Variants in KSR2 observed in about 807,000 individuals in gnomAD.
KSR2 encodes kinase suppressor of ras 2.
A neutral mutation model predicts 107.8 loss-of-function variants in KSR2; 25 were observed. The ratio of observed to expected loss-of-function variants is 0.23; its 90% confidence interval spans 0.17 to 0.32. KSR2 has a LOEUF of 0.32. Among genes scored for constraint, KSR2 ranks in the 10% least tolerant of loss-of-function variants. The pLI is 1.00. For synonymous variants in KSR2, 480 were observed against 507.0 expected (o/e 0.95, Z 0.71); for missense variants, 887 against 1,268.9 (o/e 0.70, Z 4.57).
intron 3 of KSR2, among the ~76,000 whole-genome samples, chr12:117,839,030 G>A (rs750954391): frequency 1.3e-5 from 2 of 152,302 alleles, no homozygotes; most frequent in Non-Finnish European, 2.9e-5. Flanking sequence ...GTGGAGGGCT[G>A]ACTTTGGCCC....
chr12:117,947,798 G>C (rs907542377), intron 1 of KSR2, among the ~76,000 whole-genome samples: 11 of 151,988 alleles, frequency 7.2e-5, no homozygotes, highest in African/African-American at 2.7e-4. Context: ...TCAAATACTT[G>C]AGCGTAAGTC....
At chr12:117,965,206 C>T (rs57461207) in intron 1 of KSR2, among the ~76,000 whole-genome samples, 13,814 of 152,260 alleles carry the variant, frequency 0.091, 705 homozygotes, top group African/African-American at 0.13. Context: ...CAGATGTAAT[C>T]GCTGAAGCTG....
At chr12:117,701,388 A>G (rs1056209355) in intron 4 of KSR2, among the ~76,000 whole-genome samples, 2 of 152,202 alleles carry the variant, frequency 1.3e-5, no homozygotes, top group African/African-American at 2.4e-5. Context: ...CCACTGCACC[A>G]GGCTGGAAGA....
Position 117,538,464 on chromosome 12 carries a change from T to C in KSR2, c.1687+1255A>G, listed in dbSNP as rs536378849. 2.8e-4 allele frequency among the ~76,000 whole-genome samples: 43 copies of C among 152,280 alleles called. No homozygotes were observed. The South Asian group carries it at 8.7e-3, about 31-fold the overall frequency. On this transcript the variant is annotated intron_variant, in intron 10 of 19. Coordinates refer to ENST00000339824, the MANE Select transcript of KSR2 (RefSeq NM_173598.6). ...ATGTGGGTGCCGCCCAGGTGTGGGG[T>C]GGGGCCTCTGTTTGCCTCCTGGCCA...
chr12:117,532,769 T>A (rs922940481), intron 10 of KSR2, among the ~76,000 whole-genome samples: 25 of 152,162 alleles, frequency 1.6e-4, no homozygotes, highest in Admixed American at 2.0e-4. Context: ...GTGCCTGGAA[T>A]AGGGGGCCAA....
chr12:117,731,395 CCGCCCCG>C (rs1887693260), intron 4 of KSR2, among the ~76,000 whole-genome samples: 1 of 144,238 alleles, frequency 6.9e-6, no homozygotes, highest in Non-Finnish European at 1.5e-5. Context: ...CGCCCAGCAG[CCGCCCCG>C]TCCGGGAGGG....
rs559732847 is a variant in KSR2, at chr12:117,853,169, G to C, written c.472+2259C>G. Among the ~76,000 whole-genome samples, 3 of 152,258 alleles carry C rather than the reference G, an allele frequency of 2.0e-5. No individual in the cohort carries two copies. The South Asian group carries it at 6.2e-4, about 32-fold the overall frequency. ...ATTCACTGTAAAGAAATAGCCACGG[G>C]GGTCCCCAAAGATAACACTCAGGGG... On this transcript the variant is annotated intron_variant, in intron 3 of 19. Transcript: ENST00000339824.
At chr12:117,697,081 G>A (rs1886094932) in intron 4 of KSR2, among the ~76,000 whole-genome samples, 1 of 152,182 alleles carries the variant, frequency 6.6e-6, no homozygotes, top group African/African-American at 2.4e-5. Context: ...AGTTTGGGAA[G>A]CTTCTTTGAA....
chr12:117,916,652 G>GTC (rs1197549009), intron 1 of KSR2, among the ~76,000 whole-genome samples: 1 of 152,006 alleles, frequency 6.6e-6, no homozygotes, highest in East Asian at 1.9e-4. Context: ...TCTAAAACAG[G>GTC]TCCCCCATAG....
rs557163784 is a variant in KSR2 at position 117,910,592 on chromosome 12, C to T, written c.181-50161G>A. On this transcript the variant is annotated intron_variant, in intron 1 of 19. Coordinates refer to ENST00000339824, the MANE Select transcript of KSR2 (RefSeq NM_173598.6). The stretch of plus-strand genomic sequence containing the variant: ...TTTTACCACAATTAAACTTACTTTG[C>T]TTTAGAAAAGCTTCAAGATTTCACA... Among the ~76,000 whole-genome samples, 12 of 152,288 alleles carry T rather than the reference C, an allele frequency of 7.9e-5. No homozygotes were observed. In the South Asian group the frequency reaches 2.5e-3, roughly 32 times the overall value.
At chr12:117,526,506 C>T (rs553981440) in intron 13 of KSR2, among the ~76,000 whole-genome samples, 87 of 152,298 alleles carry the variant, frequency 5.7e-4, no homozygotes, top group African/African-American at 2.0e-3. Flanking sequence ...TGATTTCTCC[C>T]GGGATCATTT....
chr12:117,935,442 G>T (rs1268566081), intron 1 of KSR2, among the ~76,000 whole-genome samples: 1 of 152,106 alleles, frequency 6.6e-6, no homozygotes, highest in Non-Finnish European at 1.5e-5. Context: ...CATTTCATGG[G>T]GTAAAATGTT....
chr12:117,845,529 A>G (rs1315027982), intron 3 of KSR2, among the ~76,000 whole-genome samples: 1 of 152,190 alleles, frequency 6.6e-6, no homozygotes, highest in Non-Finnish European at 1.5e-5. Flanking sequence ...ATCAAACAAC[A>G]ATTTAGGCAT....
intron 1 of KSR2, among the ~76,000 whole-genome samples, chr12:117,906,346 T>C (rs1894844187): frequency 3.0e-5 from 3 of 101,010 alleles, no homozygotes; most frequent in Admixed American, 1.3e-4. Context: ...AGAGCAAAAC[T>C]CTGTCTCAAA....
chr12:117,495,684 G>C (rs1444836384), intron 14 of KSR2, among the ~76,000 whole-genome samples: 2 of 152,178 alleles, frequency 1.3e-5, no homozygotes, highest in Non-Finnish European at 2.9e-5. Context: ...CAGAAGTGGG[G>C]AGGGAAAAAG....
At chr12:117,488,286 C>A (rs1016951495) in intron 14 of KSR2, among the ~76,000 whole-genome samples, 1 of 152,200 alleles carries the variant, frequency 6.6e-6, no homozygotes, top group African/African-American at 2.4e-5. Flanking sequence ...AATCCACAAC[C>A]AGCGATTCTT....
chr12:117,731,577 G>A (rs1029153742), intron 4 of KSR2, among the ~76,000 whole-genome samples: 8 of 152,190 alleles, frequency 5.3e-5, no homozygotes, highest in African/African-American at 1.9e-4. Context: ...TAACGATGGC[G>A]GTTTTGTCGA....
At chr12:117,600,135 T>C (rs935457912) in intron 5 of KSR2, among the ~76,000 whole-genome samples, 3 of 152,168 alleles carry the variant, frequency 2.0e-5, no homozygotes, top group Non-Finnish European at 4.4e-5. Flanking sequence ...TGGCTAATCA[T>C]TGAGAAATGG....
intron 9 of KSR2, among the ~76,000 whole-genome samples, chr12:117,541,787 C>T (rs1403183256): frequency 6.6e-6 from 1 of 152,152 alleles, no homozygotes; most frequent in African/African-American, 2.4e-5. Context: ...CCAGGTTGTA[C>T]ATTTCACCTT....
Sources: allele counts gnomAD v4.1 joint callset (sites outside exome capture counted in the v4.1 genomes callset), GRCh38; gene constraint gnomAD v4.1.1; transcripts MANE v1.5; gene names NCBI Gene and HGNC (gene_info 2026-07-23, HGNC 2026-07-21).